Variants in TMEM245 observed in about 807,000 individuals in gnomAD.
TMEM245 encodes protein CG-2.
A neutral mutation model predicts 101.2 loss-of-function variants in TMEM245; 69 were observed. That is an observed-to-expected ratio of 0.68 (90% CI 0.56 to 0.83). TMEM245 has a LOEUF of 0.83. Ranked by LOEUF, TMEM245 falls within the 40% of genes least tolerant of loss-of-function variation. The pLI is 0.00. For missense variants in TMEM245, 1,075 were observed against 1,092.8 expected (o/e 0.98, Z 0.23); for synonymous variants, 537 against 449.8 (o/e 1.19, Z -2.45).
chr9:109,029,330 T>C (rs1827881563), intron 17 of TMEM245, among the ~76,000 whole-genome samples: 2 of 152,208 alleles, frequency 1.3e-5, no homozygotes, highest in Admixed American at 1.3e-4. Context: ...GTTTTCACTT[T>C]TAAAGGTCTT....
chr9:109,029,673 A>G (rs983207375), intron 17 of TMEM245, among the ~76,000 whole-genome samples: 8 of 152,240 alleles, frequency 5.3e-5, no homozygotes, highest in African/African-American at 1.9e-4. Context: ...AGAAAATTAT[A>G]TAGGGTATAA....
rs1056343448 is a variant in TMEM245 at position 109,076,210 on chromosome 9, A to G, written c.1450-2772T>C. Among the ~76,000 whole-genome samples, 7 of 151,674 alleles carry G rather than the reference A, an allele frequency of 4.6e-5. No homozygotes were observed. In the South Asian group the frequency reaches 8.4e-4, roughly 18 times the overall value. Reference sequence around the variant, plus strand: ...TGGAATACTATGCAGCCATAAAAAAATGATGAGTTCATGTCCTTTGTAGGG... The same window carrying G: ...TGGAATACTATGCAGCCATAAAAAAGTGATGAGTTCATGTCCTTTGTAGGG... On this transcript the variant is annotated intron_variant, in intron 8 of 17. Transcript: ENST00000374586.
intron 8 of TMEM245, among the ~76,000 whole-genome samples, chr9:109,074,435 T>C (rs1206047966): frequency 6.6e-6 from 1 of 151,968 alleles, no homozygotes; most frequent in Non-Finnish European, 1.5e-5. Flanking sequence ...GCTACACAGG[T>C]GAGCTGACAA....
Position 109,108,533 on chromosome 9 carries a change from G to C in TMEM245, c.617C>G (p.Ser206Ter), listed in dbSNP as rs1403832150. Residue 206 changes from serine to a stop codon, truncating the protein, a stop_gained, in exon 2 of 18, where the codon TCA becomes TGA. Transcript: ENST00000374586. LOFTEE classifies it high-confidence loss of function. ...TTCAGTGCTTGCATTCCACTTGAATGAAACAGTCAACACATAGCCAACCAC... is the reference window on the plus strand; with the variant it reads ...TTCAGTGCTTGCATTCCACTTGAATCAAACAGTCAACACATAGCCAACCAC... ...TLVVGYVLTV[S>*]FKWNASTERY... The C allele has an allele frequency of 1.9e-6, 3 of 1,609,934 alleles. No individual in the cohort carries two copies. Among genetic ancestry groups the C allele is most frequent in the Admixed American group, 1.7e-5 (1 of 59,396 alleles).
intron 3 of TMEM245, among the ~76,000 whole-genome samples, chr9:109,095,285 G>A (rs183337645): frequency 3.3e-5 from 5 of 152,314 alleles, no homozygotes; most frequent in Non-Finnish European, 7.3e-5. Flanking sequence ...TACATGTACT[G>A]TGTGCTGGGG....
intron 16 of TMEM245, among the ~76,000 whole-genome samples, chr9:109,034,228 T>C (rs1588021521): frequency 6.6e-6 from 1 of 152,212 alleles, no homozygotes; most frequent in Admixed American, 6.5e-5. Flanking sequence ...TAAACATAGA[T>C]GAGAAGAACA....
intron 16 of TMEM245, among the ~76,000 whole-genome samples, chr9:109,034,212 T>C (rs2132315416): frequency 6.6e-6 from 1 of 152,342 alleles, no homozygotes; most frequent in Middle Eastern, 3.4e-3. Flanking sequence ...TGTTTGTTTC[T>C]AGTTTTAAAC....
At chr9:109,087,049 A>G (rs1486291799) in intron 6 of TMEM245, 124 bp downstream of exon 6, 21 of 815,738 alleles carry the variant, frequency 2.6e-5, no homozygotes, top group Non-Finnish European at 3.5e-5. Context: ...TTAAACTTTC[A>G]TCATAGAATT....
At position 109,017,038 on chromosome 9, in the gene TMEM245, T is replaced by C. The variant is rs144338996; in HGVS notation, c.*3422A>G. ...CCCTCACAGCCTGAATTTCTGAGTA[T>C]TGCTTGACCAGTAGTGACACATTCC... On this transcript the variant is annotated 3_prime_UTR_variant, in exon 18 of 18. Coordinates refer to ENST00000374586, the MANE Select transcript of TMEM245 (RefSeq NM_032012.4). 3 of 152,300 alleles carry C rather than the reference T, an allele frequency of 2.0e-5. No individual in the cohort carries two copies. Among genetic ancestry groups the C allele is most frequent in the African/African-American group, 7.2e-5 (3 of 41,554 alleles). 9.4% of individuals were successfully genotyped at this position (152,300 alleles called of 1,614,324 possible).
chr9:109,087,424 A>C, intron 5 of TMEM245, 82 bp from the exon 6 acceptor site: 1 of 1,323,576 alleles, frequency 7.6e-7, no homozygotes, highest in African/African-American at 1.5e-5. Context: ...AATTTCACAA[A>C]ACCTTTCTAA....
intron 17 of TMEM245, among the ~76,000 whole-genome samples, chr9:109,021,190 A>G (rs576234499): frequency 1.8e-4 from 27 of 152,362 alleles, no homozygotes; most frequent in African/African-American, 6.3e-4. Flanking sequence ...CTTTTGCTAC[A>G]TAATTTACAT....
chr9:109,112,613 T>C (rs1008165271), intron 1 of TMEM245, among the ~76,000 whole-genome samples: 7 of 151,200 alleles, frequency 4.6e-5, no homozygotes, highest in Middle Eastern at 6.4e-3. Context: ...CAATGATAAA[T>C]GAAAAGAGCA....
chr9:109,047,311 C>G (rs753970950), intron 14 of TMEM245, among the ~76,000 whole-genome samples: 2 of 152,170 alleles, frequency 1.3e-5, no homozygotes, highest in Non-Finnish European at 2.9e-5. Flanking sequence ...GAAGGGAAGT[C>G]GAATCTAATT....
rs1297760960 is a variant in TMEM245, at chr9:109,087,206, C to T, written c.1287G>A (p.Gly429=). 2.5e-6 allele frequency: 4 copies of T among 1,611,076 alleles called. No homozygotes were observed. Among genetic ancestry groups the T allele is most frequent in the Non-Finnish European group, 2.5e-6 (3 of 1,179,170 alleles). ...CAACTTTTAACAAGAATTTTCCAAG[C>T]CCGACAATGGGCCAAGGCGCGAGAG... The part of the protein sequence containing the change: ...QGALAPWPIV[G]LGKFLLKVDS... The change falls in exon 6 of 18, where the codon GGG becomes GGA. Residue 429 remains glycine, a synonymous_variant. Transcript: ENST00000374586.
chr9:109,042,974 T>C (rs1828363288), intron 14 of TMEM245, among the ~76,000 whole-genome samples: 1 of 151,500 alleles, frequency 6.6e-6, no homozygotes, highest in African/African-American at 2.4e-5. Flanking sequence ...GCCTCCCAAG[T>C]AGCTGGGACT....
chr9:109,073,461 A>G, intron 8 of TMEM245, 23 bp from the exon 9 acceptor site: 2 of 1,546,492 alleles, frequency 1.3e-6, no homozygotes, highest in South Asian at 2.3e-5. Context: ...TAAAGAAAGA[A>G]AAGAATCTCA....
At position 109,106,547 on chromosome 9, in the gene TMEM245, C is replaced by G; in HGVS notation, c.760G>C (p.Gly254Arg). The G allele has an allele frequency of 6.2e-7, 1 of 1,611,952 alleles. No homozygotes were observed. Among genetic ancestry groups the G allele is most frequent in the Non-Finnish European group, 8.5e-7 (1 of 1,178,818 alleles). ...FLVIVFLMSV[G>R]TLYEKQNGKE... ...CCATTCTGTTTTTCATAGAGGGTACCCACAGACATCAGGAAAACAATAACC... is the reference window on the plus strand; with the variant it reads ...CCATTCTGTTTTTCATAGAGGGTACGCACAGACATCAGGAAAACAATAACC... Residue 254 changes from glycine (G) to arginine (R), a missense_variant, in exon 3 of 18, where the codon GGT becomes CGT. Physicochemically the swap from Gly to Arg is moderately radical, Grantham distance 125 (BLOSUM62 -2). Coordinates refer to ENST00000374586, the MANE Select transcript of TMEM245 (RefSeq NM_032012.4).
intron 8 of TMEM245, among the ~76,000 whole-genome samples, chr9:109,074,448 A>G (rs768800340): frequency 1.2e-4 from 19 of 152,304 alleles, no homozygotes; most frequent in Non-Finnish European, 2.6e-4. Flanking sequence ...GCTGACAAAT[A>G]TATTACGATT....
chr9:109,106,658 C>A, intron 2 of TMEM245, 49 bp from the exon 3 acceptor site: 1 of 1,370,542 alleles, frequency 7.3e-7, no homozygotes, highest in South Asian at 1.3e-5. Flanking sequence ...AAACCTAGTA[C>A]TTGTTTTTAC....
Sources: allele counts gnomAD v4.1 joint callset (sites outside exome capture counted in the v4.1 genomes callset), GRCh38; gene constraint gnomAD v4.1.1; transcripts MANE v1.5; gene names NCBI Gene and HGNC (gene_info 2026-07-23, HGNC 2026-07-21).